PSMB2: variants seen among roughly 807,000 people sequenced by gnomAD.
PSMB2 encodes the protein proteasome 20S subunit beta 2.
In PSMB2, 13 loss-of-function variants were observed where a neutral mutation model predicts 25.7. That is an observed-to-expected ratio of 0.51 (90% CI 0.33 to 0.80). The LOEUF (loss-of-function observed/expected upper bound fraction) is 0.80. Among genes scored for constraint, PSMB2 ranks in the 30% least tolerant of loss-of-function variants. PSMB2 has a pLI of 0.02. For missense variants in PSMB2, 202 were observed against 259.0 expected, an observed-to-expected ratio of 0.78 and a Z score of 1.51; for synonymous variants, 87 against 96.2, an observed-to-expected ratio of 0.90 and a Z score of 0.56.
chr1:35,608,404 G>A (rs1006917500), intron 4 of PSMB2, among the ~76,000 whole-genome samples: 29 of 151,762 alleles, frequency 1.9e-4, no homozygotes, highest in Middle Eastern at 3.2e-3. Flanking sequence ...ATAGACAGAG[G>A]AATAAGTTCT....
At chr1:35,617,197 C>T (rs531480514) in intron 3 of PSMB2, among the ~76,000 whole-genome samples, 9 of 152,054 alleles carry the variant, frequency 5.9e-5, no homozygotes, top group African/African-American at 9.7e-5. Flanking sequence ...AACAGGCGCA[C>T]GCCACCACGC....
In PSMB2 at chr1:35,599,579, G is replaced by A. The variant is rs1649928930; in HGVS notation, c.*3688C>T. On this transcript the variant is annotated 3_prime_UTR_variant, in exon 6 of 6. Transcript: ENST00000373237. Reference sequence around the variant, plus strand: ...CAGGCTTTATGAGGTGTAAAGGAGGGAAAGGAAGTGGGGAGTTAGGTTCGG... The same window carrying A: ...CAGGCTTTATGAGGTGTAAAGGAGGAAAAGGAAGTGGGGAGTTAGGTTCGG... The A allele has an allele frequency of 1.0e-6, 1 of 984,946 alleles. No homozygotes were observed. The highest frequency in any genetic ancestry group is 4.7e-5 in the South Asian group (1 of 21,290). 61.0% of individuals were successfully genotyped at this position (984,946 alleles called of 1,614,324 possible).
intron 3 of PSMB2, among the ~76,000 whole-genome samples, chr1:35,616,822 G>A (rs1484645146): frequency 6.6e-6 from 1 of 151,990 alleles, no homozygotes; most frequent in East Asian, 1.9e-4. Flanking sequence ...TTTTTTGGGT[G>A]GGTTTGGTGG....
At chr1:35,630,800 A>G (rs1651067412) in intron 3 of PSMB2, among the ~76,000 whole-genome samples, 2 of 152,250 alleles carry the variant, frequency 1.3e-5, no homozygotes, top group South Asian at 4.1e-4. Context: ...CATAACATCC[A>G]CAACAGCAAA....
Position 35,601,139 on chromosome 1 carries a change from T to C in PSMB2, c.*2128A>G. 1 of 803,886 alleles carries C rather than the reference T, an allele frequency of 1.2e-6. No individual in the cohort carries two copies. Among genetic ancestry groups the C allele is most frequent in the South Asian group, 5.9e-5 (1 of 16,854 alleles). The allele number at this position is 803,886 out of a possible 1,614,324, so 49.8% of individuals were successfully genotyped here. A position where few individuals can be genotyped will look rare whatever the true frequency, so the allele number is the denominator to read the frequency against. ...TGGAGTGCAGTGGCATGATCTCGGCTCACTGCAACCTCCCTCTCCCGGGCT... is the reference window on the plus strand; with the variant it reads ...TGGAGTGCAGTGGCATGATCTCGGCCCACTGCAACCTCCCTCTCCCGGGCT... On this transcript the variant is annotated 3_prime_UTR_variant, in exon 6 of 6. Coordinates refer to ENST00000373237, the MANE Select transcript of PSMB2 (RefSeq NM_002794.5).
At chr1:35,605,109 CTGGTTAGTGGGTATGTAT>C in intron 5 of PSMB2, 106 bp downstream of exon 5, 2 of 827,166 alleles carry the variant, frequency 2.4e-6, no homozygotes, top group South Asian at 3.5e-5. Flanking sequence ...AACTTCACAT[CTGGTTAGTGGGTATGTAT>C]TACACCTTCT....
Position 35,601,630 on chromosome 1 carries a change from G to C in PSMB2, c.*1637C>G, listed in dbSNP as rs1571117332. 1.0e-6 allele frequency: 1 copy of C among 985,094 alleles called. No individual in the cohort carries two copies. The highest frequency in any genetic ancestry group is 1.1e-4 in the East Asian group (1 of 8,812). 61.0% of individuals were successfully genotyped at this position (985,094 alleles called of 1,614,324 possible). On this transcript the variant is annotated 3_prime_UTR_variant, in exon 6 of 6. Transcript: ENST00000373237. ...ATATGAACGTTATGATCAGTAGGTA[G>C]TATCTTAGATGATACATTTAATCAC...
intron 1 of PSMB2, among the ~76,000 whole-genome samples, chr1:35,637,419 G>C (rs1352206591): frequency 6.6e-6 from 1 of 152,156 alleles, no homozygotes; most frequent in African/African-American, 2.4e-5. Context: ...AGCTGAACCA[G>C]AGTCATTCAG....
intron 3 of PSMB2, among the ~76,000 whole-genome samples, chr1:35,630,023 A>G (rs1651044708): frequency 6.6e-6 from 1 of 151,796 alleles, no homozygotes; most frequent in South Asian, 2.1e-4. Context: ...TAAAAATACA[A>G]AATTAGCTGG....
At chr1:35,631,185 GC>G in intron 3 of PSMB2, 88 bp downstream of exon 3, 1 of 1,397,498 alleles carries the variant, frequency 7.2e-7, no homozygotes, top group Non-Finnish European at 1.0e-6. Context: ...CCAAAAAAGG[GC>G]AAAAATACTA....
chr1:35,609,991 T>G (rs924049816), intron 3 of PSMB2, among the ~76,000 whole-genome samples: 1 of 152,232 alleles, frequency 6.6e-6, no homozygotes, highest in Non-Finnish European at 1.5e-5. Flanking sequence ...TGCTCTTTTG[T>G]CATTCCTAAT....
intron 3 of PSMB2, 145 bp from the exon 4 acceptor site, chr1:35,609,553 G>GAAAA: frequency 1.3e-6 from 1 of 781,846 alleles, no homozygotes; most frequent in Non-Finnish European, 1.9e-6. Context: ...AAAATGTAGG[G>GAAAA]AAATCTAGAG....
At position 35,599,807 on chromosome 1, in the gene PSMB2, A is replaced by C; in HGVS notation, c.*3460T>G. On this transcript the variant is annotated 3_prime_UTR_variant, in exon 6 of 6. Transcript: ENST00000373237. ...GCTGTTAAATAGTCTAAGAAACGAT[A>C]GGGGGTGAACCAGAGTAATGGGGAT... The C allele has an allele frequency of 3.0e-6, 3 of 985,144 alleles. No homozygotes were observed. The highest frequency in any genetic ancestry group is 3.6e-6 in the Non-Finnish European group (3 of 829,670). 61.0% of individuals were successfully genotyped at this position (985,144 alleles called of 1,614,324 possible). A position where few individuals can be genotyped will look rare whatever the true frequency, so the allele number is the denominator to read the frequency against.
At chr1:35,614,363 C>T (rs1650425690) in intron 3 of PSMB2, among the ~76,000 whole-genome samples, 1 of 152,212 alleles carries the variant, frequency 6.6e-6, no homozygotes, top group Non-Finnish European at 1.5e-5. Context: ...GAGAGCACTG[C>T]CAGTGATCCT....
chr1:35,632,897 C>T (rs1210299533), intron 2 of PSMB2, among the ~76,000 whole-genome samples: 1 of 151,244 alleles, frequency 6.6e-6, no homozygotes, highest in African/African-American at 2.4e-5. Context: ...CCTGTCTCAA[C>T]AACAACAACA....
intron 3 of PSMB2, among the ~76,000 whole-genome samples, chr1:35,616,345 C>T (rs1230593672): frequency 1.3e-5 from 2 of 152,186 alleles, no homozygotes; most frequent in East Asian, 1.9e-4. Context: ...ATCTACTGCT[C>T]TCTATTTCAC....
chr1:35,614,361 T>C (rs959447537), intron 3 of PSMB2, among the ~76,000 whole-genome samples: 1 of 152,232 alleles, frequency 6.6e-6, no homozygotes, highest in African/African-American at 2.4e-5. Context: ...ATGAGAGCAC[T>C]GCCAGTGATC....
At position 35,601,716 on chromosome 1, in the gene PSMB2, G is replaced by A. The variant is rs1650007120; in HGVS notation, c.*1551C>T. The A allele has an allele frequency of 1.0e-6, 1 of 985,260 alleles. No individual in the cohort carries two copies. The highest frequency in any genetic ancestry group is 1.2e-6 in the Non-Finnish European group (1 of 829,918). 61.0% of individuals were successfully genotyped at this position (985,260 alleles called of 1,614,324 possible). On this transcript the variant is annotated 3_prime_UTR_variant, in exon 6 of 6. Coordinates refer to ENST00000373237, the MANE Select transcript of PSMB2 (RefSeq NM_002794.5). ...GAGGAGCACAGAATTGGATAAAGTA[G>A]GGTTTATCTTAGTCGGAGACCAAAT...
chr1:35,633,136 A>G (rs1651149481), intron 2 of PSMB2, among the ~76,000 whole-genome samples: 1 of 151,720 alleles, frequency 6.6e-6, no homozygotes, highest in Non-Finnish European at 1.5e-5. Flanking sequence ...CACGAGAATC[A>G]CTTGCACCCA....
Sources: allele counts gnomAD v4.1 joint callset (sites outside exome capture counted in the v4.1 genomes callset), GRCh38; gene constraint gnomAD v4.1.1; transcripts MANE v1.5; gene names NCBI Gene and HGNC (gene_info 2026-07-23, HGNC 2026-07-21).